The following PWWP2A variants were observed in gnomAD, a reference collection of about 807,000 sequenced individuals.
PWWP2A encodes PWWP domain-containing protein 2A.
Under a neutral mutation model 48.5 loss-of-function variants are expected in PWWP2A, and 18 were observed. The ratio of observed to expected loss-of-function variants is 0.37; its 90% CI spans 0.26 to 0.55. PWWP2A has a LOEUF of 0.55. Among genes scored for constraint, PWWP2A ranks in the 20% least tolerant of loss-of-function variants. The probability of loss-of-function intolerance (pLI) is 0.81; values close to 1 mark genes in which losing one functional copy is unlikely to be tolerated. For synonymous variants in PWWP2A, 396 were observed against 387.7 expected (o/e 1.02, Z -0.25); for missense variants, 867 against 976.4 (o/e 0.89, Z 1.49).
intron 1 of PWWP2A, among the ~76,000 whole-genome samples, chr5:160,111,328 C>T (rs1757548062): frequency 6.6e-6 from 1 of 152,060 alleles, no homozygotes; most frequent in Non-Finnish European, 1.5e-5. Context: ...CCACTACGCC[C>T]GGCTAATTTT....
At chr5:160,088,709 A>G (rs906701171), downstream of PWWP2A, among the ~76,000 whole-genome samples, 1 of 152,228 alleles carries the variant, frequency 6.6e-6, no homozygotes, top group East Asian at 1.9e-4. Flanking sequence ...GAATCAAAAC[A>G]TTAATTTTTC....
chr5:160,076,401 C>T (rs949450825), exon 4 of PWWP2A: 1 of 152,166 alleles, frequency 6.6e-6, no homozygotes, highest in African/African-American at 2.4e-5. Flanking sequence ...TCTGAAAGAA[C>T]AAGACTGACC....
intron 4 of PWWP2A, chr5:160,065,286 G>T: frequency 1.4e-6 from 1 of 717,688 alleles, no homozygotes; most frequent in South Asian, 1.5e-5. Context: ...GGTGGTGTCT[G>T]TGCAGCTGGT....
chr5:160,106,224 G>C (rs1355154214), intron 1 of PWWP2A, among the ~76,000 whole-genome samples: 1 of 152,118 alleles, frequency 6.6e-6, no homozygotes, highest in Non-Finnish European at 1.5e-5. Context: ...TCAAACCCCG[G>C]AAAATTTTGT....
chr5:160,105,774 C>CA (rs549595565), intron 1 of PWWP2A: 7,172 of 64,648 alleles, frequency 0.11, 251 homozygotes, highest in East Asian at 0.28. Flanking sequence ...GACGCCATCT[C>CA]AAAAAAAAAA....
chr5:160,104,122 CAAAAAA>C (rs70990703), intron 1 of PWWP2A, among the ~76,000 whole-genome samples: 7 of 61,764 alleles, frequency 1.1e-4, no homozygotes, highest in Non-Finnish European at 1.7e-4. Flanking sequence ...GACTCTGTCT[CAAAAAA>C]AAAAAAAAAA....
At chr5:160,055,588 C>T in the PWWP2A span, among the ~76,000 whole-genome samples, 1 of 152,188 alleles carries the variant, frequency 6.6e-6, no homozygotes, top group South Asian at 2.1e-4. Context: ...GATATCAGGC[C>T]CTACCCCAGA....
chr5:160,063,678 A>G (rs1348052023), intron 4 of PWWP2A: 1 of 152,198 alleles, frequency 6.6e-6, no homozygotes, highest in Non-Finnish European at 1.5e-5. Context: ...GTAGACCTGT[A>G]AGAAAAATTA....
chr5:160,085,818 TTC>T (rs1423251192), intron 2 of PWWP2A, among the ~76,000 whole-genome samples: 6 of 144,298 alleles, frequency 4.2e-5, no homozygotes, highest in African/African-American at 1.3e-4. Flanking sequence ...ACATGTCATA[TTC>T]TTTTTTTTTT....
chr5:160,083,643 C>T (rs896415687), intron 2 of PWWP2A, among the ~76,000 whole-genome samples: 1 of 152,150 alleles, frequency 6.6e-6, no homozygotes, highest in Admixed American at 6.5e-5. Flanking sequence ...TTGGGCCCTA[C>T]CAGCTCAGAT....
At chr5:160,085,505 CTT>C (rs5872628) in intron 2 of PWWP2A, among the ~76,000 whole-genome samples, 132 of 109,782 alleles carry the variant, frequency 1.2e-3, no homozygotes, top group Non-Finnish European at 1.3e-3. Flanking sequence ...CTGTCACATT[CTT>C]TTTTTTTTTT....
chr5:160,085,680 T>C (rs1754577983), intron 2 of PWWP2A, among the ~76,000 whole-genome samples: 2 of 152,038 alleles, frequency 1.3e-5, no homozygotes, highest in South Asian at 4.1e-4. Context: ...CTAATTTTTG[T>C]ATTTTTAATA....
chr5:160,090,212 CCA>C, downstream of PWWP2A: 2 of 984,916 alleles, frequency 2.0e-6, no homozygotes, highest in Non-Finnish European at 2.4e-6. Context: ...TGAAACAAAT[CCA>C]ATTTGGTTTA....
the PWWP2A span, among the ~76,000 whole-genome samples, chr5:160,051,600 G>T: frequency 3.2e-4 from 49 of 152,156 alleles, no homozygotes; most frequent in African/African-American, 1.2e-3. Context: ...TTAGAAAATG[G>T]CACTCAAAGT....
intron 2 of PWWP2A, among the ~76,000 whole-genome samples, chr5:160,069,080 C>G (rs1753682233): frequency 6.6e-6 from 1 of 151,866 alleles, no homozygotes; most frequent in Non-Finnish European, 1.5e-5. Context: ...ACTGCTTTAG[C>G]TCAGGAGTTC....
the PWWP2A span, among the ~76,000 whole-genome samples, chr5:160,048,126 CTT>C: frequency 1.0e-3 from 37 of 35,558 alleles, no homozygotes; most frequent in Non-Finnish European, 1.4e-3. Context: ...CAAGACATTG[CTT>C]TTTTTTTTTT....
At chr5:160,109,415 A>C (rs942938972) in intron 1 of PWWP2A, among the ~76,000 whole-genome samples, 5 of 151,944 alleles carry the variant, frequency 3.3e-5, no homozygotes, top group African/African-American at 1.2e-4. Context: ...CCCATTTAAA[A>C]GCTTCTGCAA....
In PWWP2A at chr5:160,077,873, T is replaced by C. The variant is rs1416590493; in HGVS notation, c.*282A>G. 1.1e-5 allele frequency: 4 copies of C among 358,834 alleles called. No individual in the cohort carries two copies. The highest frequency in any genetic ancestry group is 2.0e-5 in the Non-Finnish European group (4 of 196,150). The allele number at this position is 358,834 out of a possible 1,614,324, so 22.2% of individuals were successfully genotyped here. ...AAGTTACTGTCAGTGTTTCTTCATA[T>C]ATAAAATTCAAGTGAGTTCTTACGT... is the stretch of plus-strand genomic sequence containing the variant. On this transcript the variant is annotated 3_prime_UTR_variant, in exon 4 of 4. Coordinates refer to the PWWP2A transcript ENST00000456329. The surrounding 1 kb of genome is among the most constrained non-coding windows in gnomAD (Gnocchi z 4.2).
At chr5:160,075,449 G>T (rs935180040), downstream of PWWP2A, among the ~76,000 whole-genome samples, 2 of 152,136 alleles carry the variant, frequency 1.3e-5, no homozygotes, top group African/African-American at 4.8e-5. Context: ...ATAACCAAGT[G>T]TTTCTGATTC....
Sources: allele counts gnomAD v4.1 joint callset (sites outside exome capture counted in the v4.1 genomes callset), GRCh38; gene constraint gnomAD v4.1.1; non-coding constraint Gnocchi (gnomAD v3.1); transcripts MANE v1.5; gene names NCBI Gene and HGNC (gene_info 2026-07-23, HGNC 2026-07-21).